WNT11: variants seen among roughly 807,000 people sequenced by gnomAD.
WNT11 encodes Wnt family member 11, also known as protein Wnt-11.
A neutral mutation model predicts 35.6 loss-of-function variants in WNT11; 20 were observed. That is an observed-to-expected ratio of 0.56 (90% CI 0.40 to 0.82). WNT11 has a LOEUF of 0.82. Among genes scored for constraint, WNT11 ranks in the 40% least tolerant of loss-of-function variants. The pLI is 0.00. For synonymous variants in WNT11, 200 were observed against 211.9 expected, an observed-to-expected ratio of 0.94 and a Z score of 0.49; for missense variants, 459 against 504.4, an observed-to-expected ratio of 0.91 and a Z score of 0.86.
At position 76,194,775 on chromosome 11, in the gene WNT11, C is replaced by T; in HGVS notation, c.389G>A (p.Cys130Tyr). ...GCAGCCGGGCAGGTCGCCGGAGGTG[C>T]AGGCCCGGGCGATGGCGTGGCTGAT... ...AAISHAIARA[C>Y]TSGDLPGCSC... Residue 130 changes from cysteine to tyrosine, a missense_variant, in exon 3 of 5, where the codon TGC (cysteine) becomes TAC (tyrosine). Physicochemically the swap from Cys to Tyr is radical, Grantham distance 194 (BLOSUM62 -2). Transcript: ENST00000322563. The surrounding 1 kb of genome is among the most constrained non-coding windows in gnomAD (Gnocchi z 5.4). 1 of 1,555,144 alleles carries T rather than the reference C, an allele frequency of 6.4e-7. No individual in the cohort carries two copies. Among genetic ancestry groups the T allele is most frequent in the Non-Finnish European group, 8.7e-7 (1 of 1,152,340 alleles).
chr11:76,205,441 T>C (rs1953456566), intron 1 of WNT11, among the ~76,000 whole-genome samples: 1 of 152,150 alleles, frequency 6.6e-6, no homozygotes, highest in African/African-American at 2.4e-5. Flanking sequence ...CCAGCAGCGC[T>C]TCAGTCACCA....
upstream of WNT11, among the ~76,000 whole-genome samples, chr11:76,208,842 T>C (rs1040449397): frequency 3.9e-5 from 6 of 152,206 alleles, no homozygotes; most frequent in African/African-American, 1.4e-4. Flanking sequence ...CTCTGGGTCC[T>C]GACGGACTGT....
Position 76,196,341 on chromosome 11 carries a change from T to C in WNT11, c.319+142A>G, listed in dbSNP as rs924631087. 1.9e-5 allele frequency: 18 copies of C among 952,170 alleles called. No individual in the cohort carries two copies. In the Admixed American group the frequency reaches 3.2e-4, roughly 17 times the overall value. 59.0% of individuals were successfully genotyped at this position (952,170 alleles called of 1,614,324 possible). On this transcript the variant is annotated intron_variant, in intron 2 of 4. Coordinates refer to ENST00000322563, the MANE Select transcript of WNT11 (RefSeq NM_004626.3). ...CATCCACCCATACCCCATCCATCCA[T>C]GCCTGTATCCACCCGTCATTCATCC...
At chr11:76,197,989 G>T (rs185591731) in intron 1 of WNT11, among the ~76,000 whole-genome samples, 3 of 152,330 alleles carry the variant, frequency 2.0e-5, no homozygotes, top group East Asian at 3.9e-4. Flanking sequence ...AACCAAGAGG[G>T]GGCCATTCTG....
upstream of WNT11, among the ~76,000 whole-genome samples, chr11:76,207,358 C>T (rs574809854): frequency 1.4e-4 from 22 of 152,298 alleles, no homozygotes; most frequent in African/African-American, 4.3e-4. Context: ...AGCGAAACTC[C>T]GTCTCAAACA....
chr11:76,206,554 C>T (rs140577461), upstream of WNT11: 2,202 of 1,214,270 alleles, frequency 1.8e-3, 38 homozygotes, highest in African/African-American at 0.031. Flanking sequence ...GCGGGGGAGG[C>T]GTTTTATTCA....
intron 1 of WNT11, among the ~76,000 whole-genome samples, chr11:76,204,980 C>T (rs1386200769): frequency 2.6e-5 from 4 of 152,146 alleles, no homozygotes; most frequent in Non-Finnish European, 4.4e-5. Flanking sequence ...ACTCGCTGAT[C>T]GGAGGTCCCT....
At chr11:76,187,825 ACTT>A (rs1477263859) in intron 4 of WNT11, among the ~76,000 whole-genome samples, 1 of 151,642 alleles carries the variant, frequency 6.6e-6, no homozygotes, top group Non-Finnish European at 1.5e-5. Context: ...TATTTCTTCT[ACTT>A]CTAAATACTG....
rs376988810 is a variant in WNT11, at chr11:76,186,801, C to T, written c.*264G>A. 6.1e-4 allele frequency: 362 copies of T among 591,976 alleles called. 1 individual carries two copies. The highest frequency in any genetic ancestry group is 2.5e-3 in the South Asian group (165 of 65,678). The allele number at this position is 591,976 out of a possible 1,614,324, so 36.7% of individuals were successfully genotyped here. A position where few individuals can be genotyped will look rare whatever the true frequency, so the allele number is the denominator to read the frequency against. ...CGATCCCAAGCCCCGCTCCTTACAC[C>T]AGCCTGTGGGCACTCCAGAGCCTCA... On this transcript the variant is annotated 3_prime_UTR_variant, in exon 5 of 5. Transcript: ENST00000322563.
At chr11:76,208,790 C>A (rs1424971161), upstream of WNT11, among the ~76,000 whole-genome samples, 1 of 152,208 alleles carries the variant, frequency 6.6e-6, no homozygotes, top group African/African-American at 2.4e-5. Flanking sequence ...CTCCCTCCGC[C>A]GCCCAAGCTC....
Position 76,194,736 on chromosome 11 carries a change from A to T in WNT11, c.428T>A (p.Val143Asp). The change falls in exon 3 of 5, where the codon GTC (valine) becomes GAC (aspartate). Residue 143 changes from valine to aspartate, a missense_variant. Coordinates refer to ENST00000322563, the MANE Select transcript of WNT11 (RefSeq NM_004626.3). The surrounding 1 kb of genome is among the most constrained non-coding windows in gnomAD (Gnocchi z 5.4). ...GDLPGCSCGP[V>D]PGEPPGPGNR... ...CCCGGGCCCGGGTGGCTCACCTGGG[A>T]CGGGGCCGCAGGAGCAGCCGGGCAG... 1 of 1,550,778 alleles carries T rather than the reference A, an allele frequency of 6.4e-7. No individual in the cohort carries two copies. Among genetic ancestry groups the T allele is most frequent in the Non-Finnish European group, 8.7e-7 (1 of 1,147,500 alleles).
chr11:76,194,782 G>T lies in WNT11; in HGVS notation c.382C>A (p.Arg128=). 6.4e-7 allele frequency: 1 copy of T among 1,554,462 alleles called. No homozygotes were observed. Among genetic ancestry groups the T allele is most frequent in the South Asian group, 1.2e-5 (1 of 84,680 alleles). The change falls in exon 3 of 5, where the codon CGG becomes AGG. Residue 128 remains arginine (R), a synonymous_variant. Transcript: ENST00000322563. The surrounding 1 kb of genome is among the most constrained non-coding windows in gnomAD (Gnocchi z 5.4). ...SAAAISHAIA[R]ACTSGDLPGC... Reference sequence around the variant, plus strand: ...GGCAGGTCGCCGGAGGTGCAGGCCCGGGCGATGGCGTGGCTGATGGCGGCG... The same window carrying T: ...GGCAGGTCGCCGGAGGTGCAGGCCCTGGCGATGGCGTGGCTGATGGCGGCG...
intron 4 of WNT11, among the ~76,000 whole-genome samples, chr11:76,190,274 T>G (rs1316875949): frequency 6.6e-6 from 1 of 152,074 alleles, no homozygotes. Context: ...GAAGACCCTT[T>G]CTTCACTCTC....
chr11:76,195,059 C>A, intron 2 of WNT11: 1 of 579,030 alleles, frequency 1.7e-6, no homozygotes, highest in East Asian at 2.9e-5. Flanking sequence ...CACAGGCATG[C>A]CCTCACCCAC....
At chr11:76,195,392 C>T (rs982267257) in intron 2 of WNT11, among the ~76,000 whole-genome samples, 2 of 152,182 alleles carry the variant, frequency 1.3e-5, no homozygotes, top group African/African-American at 4.8e-5. Flanking sequence ...TACACAGACA[C>T]ACAAAGAGGG....
At chr11:76,205,414 C>T (rs1463361351) in intron 1 of WNT11, among the ~76,000 whole-genome samples, 3 of 152,168 alleles carry the variant, frequency 2.0e-5, no homozygotes, top group Admixed American at 6.5e-5. Context: ...CTCTCCATTG[C>T]CCGAACCAGC....
chr11:76,200,458 C>G (rs534194584), intron 1 of WNT11, among the ~76,000 whole-genome samples: 1 of 152,362 alleles, frequency 6.6e-6, no homozygotes, highest in Admixed American at 6.5e-5. Context: ...TCCACCTCCA[C>G]CCAGCAAACC....
At chr11:76,210,302 G>A, upstream of WNT11, 1 of 494,098 alleles carries the variant, frequency 2.0e-6, no homozygotes, top group Non-Finnish European at 2.6e-6. Flanking sequence ...GAACTCTTCG[G>A]AGTGCTGCGG....
chr11:76,207,688 T>G (rs1022861886), upstream of WNT11, among the ~76,000 whole-genome samples: 8 of 152,122 alleles, frequency 5.3e-5, no homozygotes, highest in Non-Finnish European at 1.2e-4. Context: ...GGGCTGGGAC[T>G]GGGCAGCCCC....
Sources: allele counts gnomAD v4.1 joint callset (sites outside exome capture counted in the v4.1 genomes callset), GRCh38; gene constraint gnomAD v4.1.1; non-coding constraint Gnocchi (gnomAD v3.1); transcripts MANE v1.5; gene names NCBI Gene and HGNC (gene_info 2026-07-23, HGNC 2026-07-21).